Variants in TXNRD2 observed in about 807,000 individuals in gnomAD.
The protein encoded by TXNRD2 is thioredoxin reductase 2.
In TXNRD2, 67 loss-of-function variants were observed where a neutral mutation model predicts 70.8. The ratio of observed to expected loss-of-function variants is 0.95; its 90% CI spans 0.78 to 1.16. The LOEUF (loss-of-function observed/expected upper bound fraction) is 1.16. TXNRD2 is among the 50% of genes most tolerant of loss of function. The pLI, the probability that TXNRD2 is intolerant of heterozygous loss-of-function variation, is 0.00. For synonymous variants in TXNRD2, 301 were observed against 295.8 expected, an observed-to-expected ratio of 1.02 and a Z score of -0.18; for missense variants, 644 against 719.9, an observed-to-expected ratio of 0.89 and a Z score of 1.21.
At chr22:19,877,284 G>C in intron 16 of TXNRD2, 50 bp from the exon 17 acceptor site, 1 of 1,521,804 alleles carries the variant, frequency 6.6e-7, no homozygotes, top group Non-Finnish European at 9.1e-7. Flanking sequence ...AGGGAGGGGG[G>C]TCCACAGCAT....
rs536896896 is a variant in TXNRD2 at position 19,914,399 on chromosome 22, G to A, written c.591+815C>T. On this transcript the variant is annotated intron_variant, in intron 7 of 17. Coordinates refer to ENST00000400521, the MANE Select transcript of TXNRD2 (RefSeq NM_006440.5). ...CAAAGTGTGGTCTATCCATACAATG[G>A]AATAGTATCTAGCCATAAAAAGGAA... Among the ~76,000 whole-genome samples, 9 of 152,300 alleles carry A rather than the reference G, an allele frequency of 5.9e-5. No individual in the cohort carries two copies. In the East Asian group the frequency reaches 1.7e-3, roughly 29 times the overall value.
intron 2 of TXNRD2, among the ~76,000 whole-genome samples, chr22:19,920,944 AT>A (rs1390840046): frequency 1.3e-5 from 2 of 151,712 alleles, no homozygotes; most frequent in Non-Finnish European, 2.9e-5. Flanking sequence ...CTACTAAAAA[AT>A]ACAAAAACAA....
intron 9 of TXNRD2, among the ~76,000 whole-genome samples, chr22:19,898,754 T>C (rs1365177523): frequency 2.0e-5 from 3 of 152,096 alleles, no homozygotes; most frequent in African/African-American, 4.8e-5. Context: ...CCTCCCTGTC[T>C]AATTGTCCCT....
intron 2 of TXNRD2, among the ~76,000 whole-genome samples, chr22:19,925,114 T>C (rs879455031): frequency 2.1e-4 from 32 of 151,594 alleles, no homozygotes; most frequent in South Asian, 8.3e-4. Context: ...GAAGCCCCGT[T>C]TCTACTAAAA....
At chr22:19,932,451 C>A (rs777956509) in intron 1 of TXNRD2, 8 of 1,606,058 alleles carry the variant, frequency 5.0e-6, no homozygotes, top group African/African-American at 1.3e-5. Context: ...AAGCTACTGG[C>A]GAGGAAGGCA....
intron 17 of TXNRD2, chr22:19,876,018 C>G (rs957228776): frequency 6.6e-6 from 1 of 152,250 alleles, no homozygotes; most frequent in Non-Finnish European, 1.5e-5. Context: ...TAGCAGGCTC[C>G]TAACAAAACA....
rs983813297 is a variant in TXNRD2 at position 19,900,289 on chromosome 22, C to T, written c.663-1221G>A. On this transcript the variant is annotated intron_variant, in intron 8 of 17. Transcript: ENST00000400521. ...ATGCATTCCCAGCCCCGCTCAGGGCCGGCAACACTTGGGAAACAGGCACCA... is the reference window on the plus strand; with the variant it reads ...ATGCATTCCCAGCCCCGCTCAGGGCTGGCAACACTTGGGAAACAGGCACCA... 3.9e-5 allele frequency among the ~76,000 whole-genome samples: 6 copies of T among 152,180 alleles called. No individual in the cohort carries two copies. The East Asian group carries it at 5.8e-4, about 15-fold the overall frequency.
At chr22:19,905,117 A>G (rs1455922345) in intron 8 of TXNRD2, among the ~76,000 whole-genome samples, 1 of 152,068 alleles carries the variant, frequency 6.6e-6, no homozygotes, top group African/African-American at 2.4e-5. Flanking sequence ...CCCATATTAC[A>G]CTGTTACAAC....
intron 17 of TXNRD2, chr22:19,876,127 A>G (rs1938495996): frequency 6.6e-6 from 1 of 152,364 alleles, no homozygotes; most frequent in Non-Finnish European, 1.5e-5. Context: ...GCCACGGTGA[A>G]GCAGGGGGCC....
intron 8 of TXNRD2, among the ~76,000 whole-genome samples, chr22:19,909,874 T>TCACACACAACCACACACACCCTACTCA (rs1940304221): frequency 1.5e-4 from 6 of 40,634 alleles, no homozygotes; most frequent in African/African-American, 5.1e-4. Context: ...CACACACCAC[T>TCACACACAACCACACACACCCTACTCA]CACACACACC....
intron 14 of TXNRD2, 47 bp downstream of exon 14, chr22:19,880,132 G>A (rs1569070509): frequency 6.3e-7 from 1 of 1,590,498 alleles, no homozygotes; most frequent in Non-Finnish European, 8.6e-7. Flanking sequence ...ATGGGGTGAG[G>A]TCGTGGAGTC....
chr22:19,915,780 G>A lies in TXNRD2; in HGVS notation c.513C>T (p.Ala171=). The change falls in exon 6 of 18, where the codon GCC becomes GCT. Residue 171 remains alanine, a synonymous_variant. Transcript: ENST00000400521. ...FVDEHTVCGV[A]KGGKEILLSA... is the part of the protein sequence containing the mutation. ...AGATGCTCACCTCTTTCCCACCTTTGGCAACGCCGCAAACCGTGTGCTCGT... is the reference window on the plus strand; with the variant it reads ...AGATGCTCACCTCTTTCCCACCTTTAGCAACGCCGCAAACCGTGTGCTCGT... 2 of 1,614,194 alleles carry A rather than the reference G, an allele frequency of 1.2e-6. No homozygotes were observed. Among genetic ancestry groups the A allele is most frequent in the Non-Finnish European group, 1.7e-6 (2 of 1,180,016 alleles).
intron 1 of TXNRD2, among the ~76,000 whole-genome samples, chr22:19,933,868 C>G (rs938301848): frequency 5.3e-5 from 8 of 152,332 alleles, no homozygotes; most frequent in Admixed American, 3.9e-4. Context: ...GGCATACCCT[C>G]TCCACCTGCA....
intron 8 of TXNRD2, among the ~76,000 whole-genome samples, chr22:19,901,768 G>C (rs1939788452): frequency 6.6e-6 from 1 of 152,208 alleles, no homozygotes; most frequent in South Asian, 2.1e-4. Context: ...GGTAGGGACA[G>C]ACAGGAACGT....
chr22:19,898,105 G>A lies in TXNRD2; in HGVS notation c.708C>T (p.Phe236=). ...TGGTGTCCAGCCCAATCCCGGTGAG[G>A]AAGCCAGCACACTCCAGGGCCACAT... ...ASYVALECAG[F]LTGIGLDTTI... is the part of the protein sequence containing the mutation. Residue 236 remains phenylalanine, a synonymous_variant, in exon 10 of 18, where the codon TTC becomes TTT. Coordinates refer to ENST00000400521, the MANE Select transcript of TXNRD2 (RefSeq NM_006440.5). 1 of 1,566,680 alleles carries A rather than the reference G, an allele frequency of 6.4e-7. No homozygotes were observed. Among genetic ancestry groups the A allele is most frequent in the Non-Finnish European group, 8.7e-7 (1 of 1,155,946 alleles).
intron 11 of TXNRD2, chr22:19,883,671 C>T (rs1349322862): frequency 3.1e-6 from 2 of 641,814 alleles, no homozygotes; most frequent in Admixed American, 2.5e-5. Flanking sequence ...AACCCTGTCT[C>T]AGCCAGGCGT....
rs1294080417 is a variant in TXNRD2, at chr22:19,941,812, G to T, written c.-9C>A. ...ACCGCCATTGCCGCCATCGTCGTGG[G>T]GCTTCTGGGGCAGCTAGGGCTGCCC... On this transcript the variant is annotated 5_prime_UTR_variant, in exon 1 of 18. Transcript: ENST00000400521. The T allele has an allele frequency of 1.3e-6, 2 of 1,530,224 alleles. No homozygotes were observed. The highest frequency in any genetic ancestry group is 2.6e-5 in the East Asian group (1 of 37,848). 94.8% of individuals were successfully genotyped at this position (1,530,224 alleles called of 1,614,324 possible).
rs771887452 is a variant in TXNRD2, at chr22:19,880,780, C to CCAT, written c.1087-66_1087-64dup. 3.3e-6 allele frequency: 4 copies of CCAT among 1,217,784 alleles called. No individual in the cohort carries two copies. In the South Asian group the frequency reaches 4.9e-5, roughly 15 times the overall value. 75.4% of individuals were successfully genotyped at this position (1,217,784 alleles called of 1,614,324 possible). On this transcript the variant is annotated intron_variant, in intron 12 of 17. Coordinates refer to ENST00000400521, the MANE Select transcript of TXNRD2 (RefSeq NM_006440.5). ...TCCGGGGTTATATGCAGCCCCTATG[C>CCAT]CATCACCCTTTGCCCTCCGAGTGGG...
intron 8 of TXNRD2, 41 bp from the exon 9 acceptor site, chr22:19,899,109 C>T (rs1469702123): frequency 1.2e-6 from 2 of 1,606,016 alleles, no homozygotes; most frequent in East Asian, 4.5e-5. Flanking sequence ...AAAGCTGAGG[C>T]CCTTATTGAC....
Sources: allele counts gnomAD v4.1 joint callset (sites outside exome capture counted in the v4.1 genomes callset), GRCh38; gene constraint gnomAD v4.1.1; transcripts MANE v1.5; gene names NCBI Gene and HGNC (gene_info 2026-07-23, HGNC 2026-07-21).